RAP1GAP2: variants seen among roughly 807,000 people sequenced by gnomAD.
The protein encoded by RAP1GAP2 is rap1 GTPase-activating protein 2.
A neutral mutation model predicts 95.0 loss-of-function variants in RAP1GAP2; 27 were observed. That is an observed-to-expected ratio of 0.28 (90% CI 0.21 to 0.39). The LOEUF is 0.39. Among genes scored for constraint, RAP1GAP2 ranks in the 10% least tolerant of loss-of-function variants. The probability of loss-of-function intolerance (pLI) is 1.00; values close to 1 mark genes in which losing one functional copy is unlikely to be tolerated. For synonymous variants in RAP1GAP2, 373 were observed against 380.9 expected, an observed-to-expected ratio of 0.98 and a Z score of 0.24; for missense variants, 771 against 970.0, an observed-to-expected ratio of 0.79 and a Z score of 2.72.
At chr17:2,954,242 T>C (rs12600831) in intron 3 of RAP1GAP2, among the ~76,000 whole-genome samples, 16,069 of 151,730 alleles carry the variant, frequency 0.11, 861 homozygotes, top group South Asian at 0.18. Flanking sequence ...GTAGCTGGGA[T>C]TACAGGCGCC....
intron 17 of RAP1GAP2, among the ~76,000 whole-genome samples, chr17:3,011,415 G>T (rs2046539173): frequency 6.6e-6 from 1 of 152,182 alleles, no homozygotes; most frequent in Non-Finnish European, 1.5e-5. Context: ...CCAGGCCTGT[G>T]TGTCTGGCCC....
intron 2 of RAP1GAP2, among the ~76,000 whole-genome samples, chr17:2,868,429 C>A (rs749577110): frequency 6.6e-6 from 1 of 152,124 alleles, no homozygotes; most frequent in African/African-American, 2.4e-5. Flanking sequence ...CCTTGGCTTT[C>A]CCATGTGTGA....
chr17:3,003,845 G>C lies in RAP1GAP2; in HGVS notation c.1201-1524G>C, dbSNP rs1421079826. Among the ~76,000 whole-genome samples the C allele has an allele frequency of 6.6e-6, 1 of 152,196 alleles. No individual in the cohort carries two copies. The highest frequency in any genetic ancestry group is 1.5e-5 in the Non-Finnish European group (1 of 68,044). ...TGGGGTCAAGAGAGGCGCACAATGA[G>C]GATGGAAGGTGAACGCACGTCGCAA... On this transcript the variant is annotated intron_variant, in intron 14 of 24. Transcript: ENST00000254695. The surrounding 1 kb of genome is among the most constrained non-coding windows in gnomAD (Gnocchi z 4.1).
intron 2 of RAP1GAP2, among the ~76,000 whole-genome samples, chr17:2,892,675 G>A (rs770056353): frequency 2.0e-5 from 3 of 152,180 alleles, no homozygotes; most frequent in Non-Finnish European, 4.4e-5. Flanking sequence ...TTCACGTGCA[G>A]GCTTGCTTTC....
chr17:2,975,409 G>C (rs916211942), intron 8 of RAP1GAP2, among the ~76,000 whole-genome samples: 2 of 152,098 alleles, frequency 1.3e-5, no homozygotes, highest in Non-Finnish European at 2.9e-5. Flanking sequence ...TAAAATAAAG[G>C]AATGGAAAAA....
At chr17:2,947,528 A>G (rs557035066) in intron 3 of RAP1GAP2, among the ~76,000 whole-genome samples, 4 of 152,278 alleles carry the variant, frequency 2.6e-5, no homozygotes, top group Non-Finnish European at 5.9e-5. Context: ...ATATTTAGTC[A>G]TTCATCTGGC....
rs376130129 is a variant in RAP1GAP2, at chr17:2,998,343, C to T, written c.1167C>T (p.Val389=). The change falls in exon 14 of 25, where the codon GTC becomes GTT. Residue 389 remains valine, a synonymous_variant. Transcript: ENST00000254695. Reference sequence around the variant, plus strand: ...TACATGCCTACATCGTCGTGCAGGTCGAGACCCCAGGCACAGAGACCCCAT... The same window carrying T: ...TACATGCCTACATCGTCGTGCAGGTTGAGACCCCAGGCACAGAGACCCCAT... ...NFLHAYIVVQ[V]ETPGTETPSY... The T allele has an allele frequency of 1.6e-4, 253 of 1,614,006 alleles. No homozygotes were observed. The highest frequency in any genetic ancestry group is 1.5e-3 in the South Asian group (135 of 91,080).
chr17:2,785,975 C>T (rs1345171246), intron 1 of RAP1GAP2, among the ~76,000 whole-genome samples: 4 of 148,940 alleles, frequency 2.7e-5, no homozygotes, highest in Non-Finnish European at 3.0e-5. Flanking sequence ...GATCTCGGCT[C>T]ACCGCAACCT....
chr17:2,874,550 T>C (rs1597483994), intron 2 of RAP1GAP2, among the ~76,000 whole-genome samples: 1 of 151,742 alleles, frequency 6.6e-6, no homozygotes, highest in South Asian at 2.1e-4. Flanking sequence ...AAGAATGACG[T>C]GGAGAGGAAA....
intron 2 of RAP1GAP2, among the ~76,000 whole-genome samples, chr17:2,889,490 C>A (rs999620444): frequency 1.3e-4 from 20 of 151,952 alleles, no homozygotes; most frequent in Admixed American, 1.2e-3. Flanking sequence ...AGATCTTGAT[C>A]ACCCAGTGGA....
chr17:2,881,026 C>T (rs572916781), intron 2 of RAP1GAP2, among the ~76,000 whole-genome samples: 31 of 152,102 alleles, frequency 2.0e-4, no homozygotes, highest in African/African-American at 6.0e-4. Context: ...TTTGGGAGGC[C>T]GAGGCAGGTG....
chr17:2,756,338 C>T (rs540195919), intron 1 of RAP1GAP2, among the ~76,000 whole-genome samples: 1 of 152,336 alleles, frequency 6.6e-6, no homozygotes, highest in African/African-American at 2.4e-5. Context: ...TGTAGCGGGG[C>T]AGTCGCCCTT....
intron 13 of RAP1GAP2, among the ~76,000 whole-genome samples, 167 bp downstream of exon 13, chr17:2,995,633 G>C (rs572753833): frequency 6.6e-6 from 1 of 152,214 alleles, no homozygotes; most frequent in Non-Finnish European, 1.5e-5. Flanking sequence ...GTTTCTGGCC[G>C]AGGCTGTGCC....
chr17:2,770,077 C>CAAAAAAAAAA (rs533020473), intron 1 of RAP1GAP2, among the ~76,000 whole-genome samples: 6 of 97,980 alleles, frequency 6.1e-5, no homozygotes, highest in African/African-American at 1.5e-4. Flanking sequence ...GGTCTCAAAA[C>CAAAAAAAAAA]AAAAAAAAAA....
intron 3 of RAP1GAP2, among the ~76,000 whole-genome samples, chr17:2,919,224 G>T (rs1411747213): frequency 6.6e-6 from 1 of 152,200 alleles, no homozygotes; most frequent in Non-Finnish European, 1.5e-5. Context: ...CCAGGATCCA[G>T]CCCAGCATCT....
intron 1 of RAP1GAP2, among the ~76,000 whole-genome samples, chr17:2,788,459 AT>A (rs572181126): frequency 2.0e-5 from 3 of 151,060 alleles, no homozygotes; most frequent in Admixed American, 1.3e-4. Context: ...CCATGCCCAG[AT>A]TTTTTTTTGT....
intron 3 of RAP1GAP2, among the ~76,000 whole-genome samples, chr17:2,927,168 T>G (rs2042982852): frequency 6.6e-6 from 1 of 151,762 alleles, no homozygotes; most frequent in Non-Finnish European, 1.5e-5. Flanking sequence ...AGTCTTTTTT[T>G]TTTTAGACAG....
At chr17:3,028,786 G>A (rs2047204463) in intron 22 of RAP1GAP2, among the ~76,000 whole-genome samples, 2 of 152,086 alleles carry the variant, frequency 1.3e-5, no homozygotes, top group Admixed American at 1.3e-4. Flanking sequence ...TCTGTAAAAG[G>A]GGGTGGAAAT....
In RAP1GAP2 at chr17:3,004,227, C is replaced by T. The variant is rs970038509; in HGVS notation, c.1201-1142C>T. On this transcript the variant is annotated intron_variant, in intron 14 of 24. Coordinates refer to ENST00000254695, the MANE Select transcript of RAP1GAP2 (RefSeq NM_015085.5). This position sits in a 1 kb window ranked among gnomAD's most constrained non-coding sequence, Gnocchi z 4.1. The stretch of plus-strand genomic sequence containing the variant: ...CCAGAAATCACGTCAGCCGAACGCG[C>T]ACCATTTCCTGACTCGGGGCACTGC... Among the ~76,000 whole-genome samples the T allele has an allele frequency of 2.6e-5, 4 of 152,368 alleles. No homozygotes were observed. In the South Asian group the frequency reaches 6.2e-4, roughly 24 times the overall value.
Sources: allele counts gnomAD v4.1 joint callset (sites outside exome capture counted in the v4.1 genomes callset), GRCh38; gene constraint gnomAD v4.1.1; non-coding constraint Gnocchi (gnomAD v3.1); transcripts MANE v1.5; gene names NCBI Gene and HGNC (gene_info 2026-07-23, HGNC 2026-07-21).